SART3: variants seen among roughly 807,000 people sequenced by gnomAD.
The protein encoded by SART3 is spliceosome associated factor 3, U4/U6 recycling protein.
SART3 carries 44 observed loss-of-function variants against 122.3 expected under a neutral mutation model. That is an observed-to-expected ratio of 0.36 (90% CI 0.28 to 0.46). SART3 has a LOEUF of 0.46. SART3 is among the 20% of genes least tolerant of loss of function. The pLI is 1.00. For synonymous variants in SART3, 442 were observed against 454.0 expected (o/e 0.97, Z 0.34); for missense variants, 1,101 against 1,229.0 (o/e 0.90, Z 1.56).
intron 1 of SART3, among the ~76,000 whole-genome samples, chr12:108,550,502 A>C (rs2029961038): frequency 6.6e-6 from 1 of 152,246 alleles, no homozygotes; most frequent in Non-Finnish European, 1.5e-5. Context: ...TCAACTCCGT[A>C]TATTTTAATA....
At chr12:108,528,122 C>G (rs1318469294) in intron 15 of SART3, among the ~76,000 whole-genome samples, 1 of 152,140 alleles carries the variant, frequency 6.6e-6, no homozygotes, top group African/African-American at 2.4e-5. Flanking sequence ...CCCAGAGCTG[C>G]CCGTCCCTGA....
At chr12:108,551,260 A>C (rs2029997225) in intron 1 of SART3, among the ~76,000 whole-genome samples, 3 of 152,226 alleles carry the variant, frequency 2.0e-5, no homozygotes, top group Admixed American at 2.0e-4. Context: ...ATAATGACAC[A>C]TAATAATAAA....
intron 6 of SART3, among the ~76,000 whole-genome samples, chr12:108,540,198 G>A (rs1226018594): frequency 6.6e-6 from 1 of 152,198 alleles, no homozygotes; most frequent in Non-Finnish European, 1.5e-5. Context: ...GAAGAAGCAA[G>A]ATTTATACAA....
chr12:108,524,262 G>T, intron 18 of SART3, 54 bp downstream of exon 18: 1 of 1,448,128 alleles, frequency 6.9e-7, no homozygotes, highest in Non-Finnish European at 9.7e-7. Context: ...CGTGATCCAT[G>T]AACTGGTGCC....
intron 18 of SART3, 135 bp from the exon 19 acceptor site, chr12:108,523,769 C>G (rs1450764151): frequency 7.2e-6 from 6 of 831,148 alleles, no homozygotes; most frequent in African/African-American, 5.2e-5. Flanking sequence ...AAGATAATCC[C>G]TGCCTCCTTA....
intron 6 of SART3, among the ~76,000 whole-genome samples, chr12:108,541,263 G>A (rs1204821139): frequency 2.0e-5 from 3 of 151,622 alleles, no homozygotes; most frequent in East Asian, 2.0e-4. Context: ...AAAAATTAGC[G>A]GGGCTTGGTG....
Position 108,526,256 on chromosome 12 carries a change from A to G in SART3, c.2213T>C (p.Ile738Thr). 6.2e-7 allele frequency: 1 copy of G among 1,614,152 alleles called. No homozygotes were observed. The highest frequency in any genetic ancestry group is 8.5e-7 in the Non-Finnish European group (1 of 1,180,014). ...TCGGAAATCCCCACGGTTGCTGAAG[A>G]TGGGTCGGATCTGGACCACCTCCCC... ...ACGEVVQIRP[I>T]FSNRGDFRGY... Residue 738 changes from isoleucine (I) to threonine (T), a missense_variant, in exon 16 of 19, where the codon ATC becomes ACC. Around this residue, in one of 2 missense-constraint regions of SART3, gnomAD observed 885 missense variants for 1,080.1 expected, o/e 0.82. Coordinates refer to ENST00000546815, the MANE Select transcript of SART3 (RefSeq NM_014706.4).
intron 1 of SART3, among the ~76,000 whole-genome samples, chr12:108,557,290 T>C (rs1157387310): frequency 6.9e-6 from 1 of 144,808 alleles, no homozygotes; most frequent in Non-Finnish European, 1.5e-5. Flanking sequence ...CTCAGTTCAC[T>C]GCAACCTCTG....
At chr12:108,527,522 C>T (rs575306709) in intron 15 of SART3, among the ~76,000 whole-genome samples, 1 of 152,318 alleles carries the variant, frequency 6.6e-6, no homozygotes, top group Admixed American at 6.5e-5. Context: ...CTCCCACAGT[C>T]CTGATCACAC....
chr12:108,535,587 G>A (rs73402764), intron 11 of SART3, 119 bp from the exon 12 acceptor site: 1 of 855,858 alleles, frequency 1.2e-6, no homozygotes, highest in East Asian at 2.5e-5. Flanking sequence ...TGTTACAGAT[G>A]TCCCTGGGCA....
chr12:108,552,414 A>G (rs1163992989), intron 1 of SART3, among the ~76,000 whole-genome samples: 1 of 151,990 alleles, frequency 6.6e-6, no homozygotes, highest in Admixed American at 6.6e-5. Flanking sequence ...GCTCGGAAAA[A>G]TAAAACTGTC....
intron 7 of SART3, 106 bp downstream of exon 7, chr12:108,538,828 G>C (rs1873026576): frequency 2.9e-6 from 4 of 1,380,208 alleles, no homozygotes; most frequent in Non-Finnish European, 4.1e-6. Context: ...GCAGATGGAG[G>C]AAAAGCAAGA....
chr12:108,540,332 A>C (rs1367660797), intron 6 of SART3, among the ~76,000 whole-genome samples: 1 of 152,226 alleles, frequency 6.6e-6, no homozygotes, highest in African/African-American at 2.4e-5. Context: ...CTATAGCCTA[A>C]GAAAATAATT....
chr12:108,554,668 A>G (rs1280437999), intron 1 of SART3, among the ~76,000 whole-genome samples: 2 of 147,706 alleles, frequency 1.4e-5, no homozygotes, highest in Non-Finnish European at 3.0e-5. Flanking sequence ...ATTGTTTATT[A>G]TATATTTATA....
chr12:108,530,671 A>G (rs1158640853), intron 14 of SART3, among the ~76,000 whole-genome samples: 6 of 152,178 alleles, frequency 3.9e-5, no homozygotes, highest in Non-Finnish European at 7.3e-5. Context: ...CCTAGCTAAC[A>G]TGGTGAAACC....
intron 1 of SART3, among the ~76,000 whole-genome samples, chr12:108,555,207 T>C (rs2030165744): frequency 6.6e-6 from 1 of 152,222 alleles, no homozygotes; most frequent in African/African-American, 2.4e-5. Context: ...ACGTTATATG[T>C]TTTTTACAAT....
At chr12:108,544,576 C>A in intron 4 of SART3, 98 bp from the exon 5 acceptor site, 1 of 1,564,748 alleles carries the variant, frequency 6.4e-7, no homozygotes, top group Non-Finnish European at 8.8e-7. Flanking sequence ...GTGGTTCTTT[C>A]TTTTTCTTTT....
At chr12:108,550,418 T>C (rs2136690624) in intron 1 of SART3, among the ~76,000 whole-genome samples, 1 of 152,028 alleles carries the variant, frequency 6.6e-6, no homozygotes, top group East Asian at 1.9e-4. Flanking sequence ...TATTTAAAAG[T>C]GGGGATGGAA....
rs715447 is a variant in SART3, at chr12:108,552,942, C to A, written c.313-3728G>T. Among the ~76,000 whole-genome samples, 3 of 151,944 alleles carry A rather than the reference C, an allele frequency of 2.0e-5. No individual in the cohort carries two copies. In the South Asian group the frequency reaches 6.2e-4, roughly 31 times the overall value. ...CACTCTACCTGATTGATACTAAAAC[C>A]TACAATACAGCTACAATCATCAAGG... On this transcript the variant is annotated intron_variant, in intron 1 of 18. Transcript: ENST00000546815.
Sources: allele counts gnomAD v4.1 joint callset (sites outside exome capture counted in the v4.1 genomes callset), GRCh38; gene constraint gnomAD v4.1.1; regional missense constraint gnomAD v4.1.1; transcripts MANE v1.5; gene names NCBI Gene and HGNC (gene_info 2026-07-23, HGNC 2026-07-21).